PTPRT: variants seen among roughly 807,000 people sequenced by gnomAD.
PTPRT encodes the protein receptor-type tyrosine-protein phosphatase T.
PTPRT carries 56 observed loss-of-function variants against 176.8 expected under a neutral mutation model. The ratio of observed to expected loss-of-function variants is 0.32; its 90% CI spans 0.26 to 0.40. The LOEUF is 0.40. Ranked by LOEUF, PTPRT falls within the 10% of genes least tolerant of loss-of-function variation. The probability of loss-of-function intolerance (pLI) is 1.00; values close to 1 mark genes in which losing one functional copy is unlikely to be tolerated. For synonymous variants in PTPRT, 783 were observed against 739.0 expected, an observed-to-expected ratio of 1.06 and a Z score of -0.96; for missense variants, 1,540 against 1,908.2, an observed-to-expected ratio of 0.81 and a Z score of 3.60.
At chr20:42,984,460 A>G (rs905022810) in intron 1 of PTPRT, among the ~76,000 whole-genome samples, 1 of 152,230 alleles carries the variant, frequency 6.6e-6, no homozygotes, top group Admixed American at 6.5e-5. Context: ...CAATAAAGAT[A>G]AGAGCTTTCT....
At chr20:42,829,067 G>C (rs2078044773) in intron 2 of PTPRT, among the ~76,000 whole-genome samples, 1 of 152,080 alleles carries the variant, frequency 6.6e-6, no homozygotes, top group African/African-American at 2.4e-5. Context: ...TCCAGAAGGG[G>C]GGCTATACCA....
At chr20:42,425,091 A>G (rs968952495) in intron 9 of PTPRT, among the ~76,000 whole-genome samples, 2 of 152,112 alleles carry the variant, frequency 1.3e-5, no homozygotes, top group Non-Finnish European at 2.9e-5. Flanking sequence ...TATGAGTAAT[A>G]TGGGTTCTGT....
chr20:42,364,156 C>T (rs1307300559), intron 9 of PTPRT, among the ~76,000 whole-genome samples: 1 of 152,152 alleles, frequency 6.6e-6, no homozygotes, highest in East Asian at 1.9e-4. Context: ...CTGGGAACTT[C>T]CTGCATCATT....
chr20:43,125,654 T>C (rs935321701), intron 1 of PTPRT, among the ~76,000 whole-genome samples: 2 of 152,254 alleles, frequency 1.3e-5, no homozygotes, highest in African/African-American at 4.8e-5. Flanking sequence ...TGTGTATTAC[T>C]GTTCATTTGA....
intron 23 of PTPRT, among the ~76,000 whole-genome samples, chr20:42,109,292 C>T (rs964462842): frequency 6.6e-6 from 1 of 152,152 alleles, no homozygotes; most frequent in Non-Finnish European, 1.5e-5. Flanking sequence ...AAAAGATGGG[C>T]TGCCCCAAGG....
intron 7 of PTPRT, among the ~76,000 whole-genome samples, chr20:42,537,351 T>C (rs551961365): frequency 2.2e-4 from 33 of 152,282 alleles, no homozygotes; most frequent in South Asian, 8.3e-4. Flanking sequence ...CTTATAAAGG[T>C]AAAATAATAA....
chr20:42,133,683 A>G (rs1988241515), intron 18 of PTPRT, among the ~76,000 whole-genome samples: 1 of 152,236 alleles, frequency 6.6e-6, no homozygotes, highest in Non-Finnish European at 1.5e-5. Context: ...TGAATAAACT[A>G]TGGACTTTAG....
At chr20:43,160,055 A>G (rs2014649553) in intron 1 of PTPRT, among the ~76,000 whole-genome samples, 1 of 152,040 alleles carries the variant, frequency 6.6e-6, no homozygotes, top group African/African-American at 2.4e-5. Flanking sequence ...AGGCCCCTGC[A>G]GGAAACAGGC....
At chr20:42,040,933 T>C in the PTPRT span, among the ~76,000 whole-genome samples, 2 of 152,320 alleles carry the variant, frequency 1.3e-5, no homozygotes, top group South Asian at 2.1e-4. Context: ...TTCAGTATCA[T>C]ATTCCAGATT....
chr20:42,043,016 G>A, the PTPRT span, among the ~76,000 whole-genome samples: 9 of 152,238 alleles, frequency 5.9e-5, no homozygotes, highest in Non-Finnish European at 1.2e-4. Flanking sequence ...CCCTCAGAGA[G>A]CACACAGGAG....
intron 1 of PTPRT, among the ~76,000 whole-genome samples, chr20:43,168,556 A>G (rs1176401314): frequency 1.3e-5 from 2 of 152,202 alleles, no homozygotes; most frequent in Non-Finnish European, 2.9e-5. Context: ...CATGGAAAAT[A>G]AAAGTTATTT....
chr20:42,152,356 G>A (rs6016699), intron 17 of PTPRT, among the ~76,000 whole-genome samples: 20,369 of 152,248 alleles, frequency 0.13, 3,501 homozygotes, highest in African/African-American at 0.4. Context: ...CATCAGGAGA[G>A]CAAATATTAT....
intron 10 of PTPRT, 32 bp from the exon 11 acceptor site, chr20:42,350,762 C>T (rs2058271516): frequency 6.6e-7 from 1 of 1,521,406 alleles, no homozygotes; most frequent in South Asian, 1.1e-5. Context: ...CAGGTGAGTT[C>T]AGCACAGATT....
intron 1 of PTPRT, among the ~76,000 whole-genome samples, chr20:43,138,946 C>T (rs2013919316): frequency 6.6e-6 from 1 of 152,228 alleles, no homozygotes; most frequent in Non-Finnish European, 1.5e-5. Flanking sequence ...CCTCTCTGGG[C>T]ACAAACTCAA....
intron 9 of PTPRT, among the ~76,000 whole-genome samples, chr20:42,420,429 CA>C (rs777779149): frequency 5.9e-5 from 9 of 152,112 alleles, no homozygotes; most frequent in Non-Finnish European, 7.4e-5. Flanking sequence ...TGATTGCAAA[CA>C]AAATGCATGC....
chr20:42,595,582 G>T (rs894090005), intron 7 of PTPRT, among the ~76,000 whole-genome samples: 1 of 152,128 alleles, frequency 6.6e-6, no homozygotes, highest in Non-Finnish European at 1.5e-5. Context: ...CCTCAGCTTT[G>T]TTAGTCTGAC....
chr20:42,730,888 A>G (rs1025974387), intron 6 of PTPRT, among the ~76,000 whole-genome samples: 2 of 152,202 alleles, frequency 1.3e-5, no homozygotes, highest in African/African-American at 4.8e-5. Flanking sequence ...GGTTGTAACT[A>G]CATCATGAGT....
At chr20:43,098,656 C>T (rs147421175) in intron 1 of PTPRT, among the ~76,000 whole-genome samples, 2 of 151,284 alleles carry the variant, frequency 1.3e-5, no homozygotes, top group African/African-American at 4.9e-5. Flanking sequence ...GATAAAAAAT[C>T]GATGCAATAC....
chr20:42,662,863 T>C (rs2075248499), intron 7 of PTPRT, among the ~76,000 whole-genome samples: 1 of 152,214 alleles, frequency 6.6e-6, no homozygotes, highest in Non-Finnish European at 1.5e-5. Flanking sequence ...TAGAGTGTTT[T>C]ACAATTTATA....
Sources: allele counts gnomAD v4.1 joint callset (sites outside exome capture counted in the v4.1 genomes callset), GRCh38; gene constraint gnomAD v4.1.1; transcripts MANE v1.5; gene names NCBI Gene and HGNC (gene_info 2026-07-23, HGNC 2026-07-21).